The following EXOC2 variants were observed in gnomAD, a reference collection of about 807,000 sequenced individuals.
EXOC2 encodes the protein SEC5-like 1.
EXOC2 carries 70 observed loss-of-function variants against 131.8 expected under a neutral mutation model. The observed-to-expected ratio is 0.53, with a 90% CI of 0.44 to 0.65. The LOEUF is 0.65. Ranked by LOEUF, EXOC2 falls within the 30% of genes least tolerant of loss-of-function variation. EXOC2 has a pLI of 0.00. For missense variants in EXOC2, 923 were observed against 1,108.6 expected (o/e 0.83, Z 2.38); for synonymous variants, 411 against 398.4 (o/e 1.03, Z -0.38).
At chr6:624,270 A>G (rs373827658) in intron 4 of EXOC2, among the ~76,000 whole-genome samples, 13 of 152,334 alleles carry the variant, frequency 8.5e-5, no homozygotes, top group East Asian at 7.7e-4. Flanking sequence ...AGCAGTAATA[A>G]GCAGTGGCTA....
chr6:588,872 C>T (rs1231983231), intron 11 of EXOC2, among the ~76,000 whole-genome samples: 1 of 151,786 alleles, frequency 6.6e-6, no homozygotes, highest in African/African-American at 2.4e-5. Flanking sequence ...ATTAAGATGT[C>T]AGGGAAGGAA....
At chr6:517,555 G>A (rs941573568) in intron 23 of EXOC2, among the ~76,000 whole-genome samples, 17 of 110,062 alleles carry the variant, frequency 1.5e-4, no homozygotes, top group African/African-American at 4.8e-4. Context: ...AAAACTTAGT[G>A]TTCCAGCTAA....
In EXOC2 at chr6:500,944, T is replaced by C. The variant is rs1254707962; in HGVS notation, c.2381-1244A>G. 3.3e-5 allele frequency among the ~76,000 whole-genome samples: 5 copies of C among 150,742 alleles called. 1 individual carries two copies. In the Admixed American group the frequency reaches 3.3e-4, roughly 10 times the overall value. On this transcript the variant is annotated intron_variant, in intron 23 of 27. Coordinates refer to ENST00000230449, the MANE Select transcript of EXOC2 (RefSeq NM_018303.6). ...GTTTTGATTGTGTCACACACTACGG[T>C]ATACAAATAAGGACACGGTTTTTCT...
intron 23 of EXOC2, among the ~76,000 whole-genome samples, chr6:518,116 G>A (rs1385074565): frequency 6.6e-6 from 1 of 152,128 alleles, no homozygotes; most frequent in Non-Finnish European, 1.5e-5. Flanking sequence ...ATAAAATTAA[G>A]GAATTACTGT....
chr6:637,642 C>G, intron 2 of EXOC2, 59 bp downstream of exon 2: 1 of 1,293,364 alleles, frequency 7.7e-7, no homozygotes, highest in Non-Finnish European at 1.1e-6. Flanking sequence ...CATATCTTGT[C>G]TCCCTTGTCC....
chr6:632,097 A>G (rs1390980694), intron 3 of EXOC2, among the ~76,000 whole-genome samples: 2 of 152,258 alleles, frequency 1.3e-5, no homozygotes, highest in African/African-American at 2.4e-5. Context: ...GATGAATCTG[A>G]CATTACTCTT....
intron 17 of EXOC2, among the ~76,000 whole-genome samples, chr6:561,748 G>A (rs553251256): frequency 1.1e-4 from 17 of 152,250 alleles, no homozygotes; most frequent in South Asian, 6.2e-4. Flanking sequence ...ACCATGCCCA[G>A]CAAAATTTTG....
At position 633,006 on chromosome 6, in the gene EXOC2, G is replaced by A; in HGVS notation, c.230C>T (p.Thr77Ile). Residue 77 changes from threonine (T) to isoleucine (I), a missense_variant, in exon 3 of 28, where the codon ACC (threonine) becomes ATC (isoleucine). Thr to Ile is a moderately conservative substitution (Grantham distance 89). Transcript: ENST00000230449. The part of the protein sequence containing the change: ...AKNDKGDIIV[T>I]TKSGGRGTST... ...GGTTCCTCTGCCACCTGACTTAGTG[G>A]TGACAATAATGTCTCCTTTGTCATT... The A allele has an allele frequency of 6.2e-7, 1 of 1,614,130 alleles. No individual in the cohort carries two copies. The highest frequency in any genetic ancestry group is 8.5e-7 in the Non-Finnish European group (1 of 1,180,022).
Position 678,495 on chromosome 6 carries a change from C to T in EXOC2, c.-44+14524G>A, listed in dbSNP as rs1006318497. Reference sequence around the variant, plus strand: ...AGGTGCGTCATTAGCTGCGCTGACACGCCAGAGACTGGGTGAGCAACCTTC... The same window carrying T: ...AGGTGCGTCATTAGCTGCGCTGACATGCCAGAGACTGGGTGAGCAACCTTC... On this transcript the variant is annotated intron_variant, in intron 1 of 27. Transcript: ENST00000230449. Among the ~76,000 whole-genome samples, 25 of 152,212 alleles carry T rather than the reference C, an allele frequency of 1.6e-4. No homozygotes were observed. In the East Asian group the frequency reaches 1.7e-3, roughly 11 times the overall value.
At chr6:490,017 T>C (rs1313830543) in intron 26 of EXOC2, among the ~76,000 whole-genome samples, 2 of 152,220 alleles carry the variant, frequency 1.3e-5, no homozygotes, top group Non-Finnish European at 2.9e-5. Context: ...GCCTCTTTCC[T>C]GGTGTGGAAG....
chr6:574,147 T>C (rs1163276983), intron 12 of EXOC2, among the ~76,000 whole-genome samples: 1 of 152,248 alleles, frequency 6.6e-6, no homozygotes, highest in Non-Finnish European at 1.5e-5. Context: ...CAAGACTGTC[T>C]TCGGTCTTTT....
intron 22 of EXOC2, among the ~76,000 whole-genome samples, chr6:546,518 G>A (rs993389059): frequency 4.6e-5 from 7 of 152,018 alleles, no homozygotes; most frequent in Admixed American, 4.6e-4. Flanking sequence ...GAACACCACG[G>A]GTCTGAACTA....
chr6:556,337 A>C lies in EXOC2; in HGVS notation c.1932+147T>G, dbSNP rs560499082. On this transcript the variant is annotated intron_variant, in intron 18 of 27. Transcript: ENST00000230449. The stretch of plus-strand genomic sequence containing the variant: ...TGCATCGGCCTGGCTTGGAATCGGA[A>C]ATCAGCACATCTACGCAGTTAAACT... The C allele has an allele frequency of 4.7e-6, 4 of 845,748 alleles. No individual in the cohort carries two copies. The South Asian group carries it at 6.9e-5, about 15-fold the overall frequency. The allele number at this position is 845,748 out of a possible 1,614,324, so 52.4% of individuals were successfully genotyped here. A position where few individuals can be genotyped will look rare whatever the true frequency, so the allele number is the denominator to read the frequency against.
intron 17 of EXOC2, among the ~76,000 whole-genome samples, chr6:561,902 G>T (rs1757719324): frequency 6.6e-6 from 1 of 152,166 alleles, no homozygotes; most frequent in African/African-American, 2.4e-5. Flanking sequence ...TCTTAATAAG[G>T]TAAGACAGAA....
intron 26 of EXOC2, among the ~76,000 whole-genome samples, chr6:489,316 T>TC: frequency 6.6e-6 from 1 of 152,168 alleles, no homozygotes; most frequent in Non-Finnish European, 1.5e-5. Context: ...AGGATGCTAG[T>TC]GATAGAGGAG....
chr6:507,216 C>CCACA (rs70982900), intron 23 of EXOC2, among the ~76,000 whole-genome samples: 11 of 25,832 alleles, frequency 4.3e-4, no homozygotes, highest in Admixed American at 6.8e-4. Context: ...ACAGCAGTGA[C>CCACA]CACACACACA....
chr6:607,085 C>G (rs962435149), intron 7 of EXOC2, among the ~76,000 whole-genome samples: 1 of 152,146 alleles, frequency 6.6e-6, no homozygotes, highest in African/African-American at 2.4e-5. Context: ...TACACAGCGA[C>G]GTGTGAATTA....
Position 572,506 on chromosome 6 carries a change from G to A in EXOC2, c.1443+14C>T, listed in dbSNP as rs376555527. On this transcript the variant is annotated intron_variant, in intron 13 of 27. Coordinates refer to ENST00000230449, the MANE Select transcript of EXOC2 (RefSeq NM_018303.6). Reference sequence around the variant, plus strand: ...GTGACTCAGCTCCACCTCTAGCCGAGTCCGTATACACACCTCACTGAAGAG... The same window carrying A: ...GTGACTCAGCTCCACCTCTAGCCGAATCCGTATACACACCTCACTGAAGAG... The A allele has an allele frequency of 3.7e-6, 6 of 1,606,368 alleles. No individual in the cohort carries two copies. Among genetic ancestry groups the A allele is most frequent in the East Asian group, 2.2e-5 (1 of 44,842 alleles).
intron 23 of EXOC2, among the ~76,000 whole-genome samples, 195 bp downstream of exon 23, chr6:532,274 G>T (rs1561823306): frequency 6.6e-6 from 1 of 152,200 alleles, no homozygotes; most frequent in Admixed American, 6.5e-5. Flanking sequence ...ACAGCTTTAA[G>T]CCACTAATAA....
Sources: gnomAD v4.1 joint callset for allele counts (sites outside exome capture counted in the v4.1 genomes callset) on GRCh38, gnomAD v4.1.1 for gene constraint, MANE v1.5 for transcripts, NCBI Gene and HGNC (gene_info 2026-07-23, HGNC 2026-07-21) for gene names.